The following YTHDC2 variants were observed in gnomAD, a reference collection of about 807,000 sequenced individuals.
The protein encoded by YTHDC2 is 3'-5' RNA helicase YTHDC2.
A neutral mutation model predicts 174.9 loss-of-function variants in YTHDC2; 45 were observed. The ratio of observed to expected loss-of-function variants is 0.26; its 90% CI spans 0.20 to 0.33. The LOEUF is 0.33. YTHDC2 is among the 10% of genes least tolerant of loss of function. The pLI is 1.00. For missense variants in YTHDC2, 1,650 were observed against 1,723.7 expected (o/e 0.96, Z 0.76); for synonymous variants, 657 against 574.5 (o/e 1.14, Z -2.05).
At chr5:113,575,800 A>G (rs1436274036) in intron 23 of YTHDC2, among the ~76,000 whole-genome samples, 1 of 152,240 alleles carries the variant, frequency 6.6e-6, no homozygotes, top group African/African-American at 2.4e-5. Flanking sequence ...AGTAATTACA[A>G]GAATAGAAGA....
chr5:113,555,954 T>C, intron 16 of YTHDC2, 98 bp from the exon 17 acceptor site: 1 of 649,514 alleles, frequency 1.5e-6, no homozygotes. Flanking sequence ...GGACTTTGAA[T>C]TAAACTTTTG....
At chr5:113,585,008 T>C (rs1408715604) in intron 26 of YTHDC2, among the ~76,000 whole-genome samples, 1 of 152,034 alleles carries the variant, frequency 6.6e-6, no homozygotes, top group Admixed American at 6.6e-5. Context: ...CTCAAACTCC[T>C]GGGCTCAAGT....
At chr5:113,528,343 TAA>T (rs1028838518) in intron 4 of YTHDC2, among the ~76,000 whole-genome samples, 5 of 152,208 alleles carry the variant, frequency 3.3e-5, no homozygotes, top group African/African-American at 1.2e-4. Context: ...TTGTCCTATT[TAA>T]AGAGTTAATT....
intron 10 of YTHDC2, 133 bp downstream of exon 10, chr5:113,542,636 T>A: frequency 1.4e-6 from 1 of 725,880 alleles, no homozygotes; most frequent in Non-Finnish European, 2.1e-6. Flanking sequence ...TTATTTTATT[T>A]CAAATGTACA....
intron 10 of YTHDC2, among the ~76,000 whole-genome samples, chr5:113,548,031 T>G (rs1251691769): frequency 3.3e-5 from 5 of 152,168 alleles, no homozygotes; most frequent in African/African-American, 1.2e-4. Context: ...GTTAATCCCA[T>G]TAAGTGTCTT....
At chr5:113,565,457 T>C (rs1470514841) in intron 20 of YTHDC2, among the ~76,000 whole-genome samples, 1 of 152,180 alleles carries the variant, frequency 6.6e-6, no homozygotes, top group Non-Finnish European at 1.5e-5. Context: ...TTATACTGCA[T>C]ATAGATGATT....
rs1438441600 is a variant in YTHDC2, at chr5:113,593,820, T to A, written c.*346T>A. 2 of 153,964 alleles carry A rather than the reference T, an allele frequency of 1.3e-5. No individual in the cohort carries two copies. Among genetic ancestry groups the A allele is most frequent in the Non-Finnish European group, 2.9e-5 (2 of 69,132 alleles). The allele number at this position is 153,964 out of a possible 1,614,324, so 9.5% of individuals were successfully genotyped here. A position where few individuals can be genotyped will look rare whatever the true frequency, so the allele number is the denominator to read the frequency against. The stretch of plus-strand genomic sequence containing the variant: ...TGACTTTTTAATGCAGAGTAAGTTG[T>A]TTAAGAAAGGCCTGAATATATCAGA... On this transcript the variant is annotated 3_prime_UTR_variant, in exon 30 of 30. Coordinates refer to ENST00000161863, the MANE Select transcript of YTHDC2 (RefSeq NM_022828.5).
intron 2 of YTHDC2, among the ~76,000 whole-genome samples, chr5:113,521,365 T>C (rs907632589): frequency 6.6e-6 from 1 of 152,158 alleles, no homozygotes; most frequent in African/African-American, 2.4e-5. Context: ...AGCAGTGTAG[T>C]AGGTGCTCTG....
intron 18 of YTHDC2, 54 bp downstream of exon 18, chr5:113,561,239 GC>G: frequency 7.2e-7 from 1 of 1,391,996 alleles, no homozygotes; most frequent in Non-Finnish European, 1.0e-6. Flanking sequence ...GAAGTGAGGG[GC>G]CATTTCAACT....
chr5:113,519,943 T>C (rs1056080534), intron 2 of YTHDC2, among the ~76,000 whole-genome samples: 5 of 152,228 alleles, frequency 3.3e-5, no homozygotes, highest in African/African-American at 1.2e-4. Context: ...TGCAGGTTTG[T>C]TACATAGGTA....
At chr5:113,557,644 A>T (rs1420791516) in intron 17 of YTHDC2, among the ~76,000 whole-genome samples, 1 of 152,158 alleles carries the variant, frequency 6.6e-6, no homozygotes, top group African/African-American at 2.4e-5. Flanking sequence ...AAATTAAAAA[A>T]TCAGCTAGGT....
chr5:113,552,916 T>C (rs550519588), intron 12 of YTHDC2, among the ~76,000 whole-genome samples: 3 of 152,252 alleles, frequency 2.0e-5, no homozygotes, highest in East Asian at 3.9e-4. Context: ...TAGCTAATGA[T>C]GTTGAACATC....
At chr5:113,524,524 A>G (rs969607035) in intron 2 of YTHDC2, among the ~76,000 whole-genome samples, 1 of 152,128 alleles carries the variant, frequency 6.6e-6, no homozygotes, top group South Asian at 2.1e-4. Context: ...ACAGGTTTTC[A>G]TGGGAGTGTC....
At chr5:113,583,233 A>T (rs1778498005) in intron 25 of YTHDC2, 1 of 152,222 alleles carries the variant, frequency 6.6e-6, no homozygotes, top group Non-Finnish European at 1.5e-5. Flanking sequence ...CAATGCACTC[A>T]TTTTAACAGA....
intron 17 of YTHDC2, among the ~76,000 whole-genome samples, chr5:113,557,846 G>C (rs530624071): frequency 1.3e-5 from 2 of 152,246 alleles, no homozygotes; most frequent in Admixed American, 6.5e-5. Context: ...ATGAAGGCCA[G>C]AACTGCAAAA....
At chr5:113,535,264 T>C (rs544038618) in intron 6 of YTHDC2, among the ~76,000 whole-genome samples, 1 of 152,292 alleles carries the variant, frequency 6.6e-6, no homozygotes, top group South Asian at 2.1e-4. Flanking sequence ...TTACCTAGCA[T>C]TACACTGTAC....
intron 7 of YTHDC2, among the ~76,000 whole-genome samples, chr5:113,536,616 A>G (rs978182693): frequency 6.6e-6 from 1 of 152,178 alleles, no homozygotes; most frequent in African/African-American, 2.4e-5. Flanking sequence ...AATTGCCCCT[A>G]TCCTTGTTCC....
chr5:113,566,641 A>G (rs545273569), intron 21 of YTHDC2, among the ~76,000 whole-genome samples: 4 of 152,274 alleles, frequency 2.6e-5, no homozygotes, highest in Non-Finnish European at 4.4e-5. Flanking sequence ...AACATAAGGA[A>G]ATATGAAGGA....
intron 4 of YTHDC2, among the ~76,000 whole-genome samples, chr5:113,527,476 T>A (rs1774346060): frequency 6.6e-6 from 1 of 152,218 alleles, no homozygotes; most frequent in Non-Finnish European, 1.5e-5. Flanking sequence ...ATTAGTTTGC[T>A]TTTAATAGAG....
Sources: gnomAD v4.1 joint callset for allele counts (sites outside exome capture counted in the v4.1 genomes callset) on GRCh38, gnomAD v4.1.1 for gene constraint, MANE v1.5 for transcripts, NCBI Gene and HGNC (gene_info 2026-07-23, HGNC 2026-07-21) for gene names.